Variants in ESRRB observed in about 807,000 individuals in gnomAD.
ESRRB encodes steroid hormone receptor ERR2.
ESRRB carries 16 observed loss-of-function variants against 46.0 expected under a neutral mutation model. The ratio of observed to expected loss-of-function variants is 0.35; its 90% CI spans 0.24 to 0.53. ESRRB has a LOEUF of 0.53. ESRRB is among the 20% of genes least tolerant of loss of function. The pLI, the probability that ESRRB is intolerant of heterozygous loss-of-function variation, is 0.93. For missense variants in ESRRB, 488 were observed against 607.4 expected, an observed-to-expected ratio of 0.80 and a Z score of 2.07; for synonymous variants, 246 against 259.6, an observed-to-expected ratio of 0.95 and a Z score of 0.50.
rs1399455605 is a variant in ESRRB at position 76,376,654 on chromosome 14, C to G, written c.50+203C>G. Among the ~76,000 whole-genome samples, 6 of 152,192 alleles carry G rather than the reference C, an allele frequency of 3.9e-5. No individual in the cohort carries two copies. Among genetic ancestry groups the G allele is most frequent in the African/African-American group, 4.8e-5 (2 of 41,446 alleles). ...AACCCTCCTCTAACTTTTTCCCGCACCCCCTTTTACAAATCCACACTTTCA... is the reference window on the plus strand; with the variant it reads ...AACCCTCCTCTAACTTTTTCCCGCAGCCCCTTTTACAAATCCACACTTTCA... On this transcript the variant is annotated intron_variant, in intron 1 of 6. Coordinates refer to ENST00000644823, the MANE Select transcript of ESRRB (RefSeq NM_001379180.1). The surrounding 1 kb of genome is among the most constrained non-coding windows in gnomAD (Gnocchi z 4.1).
chr14:76,313,583 A>G (rs144480938), intron 1 of ESRRB, among the ~76,000 whole-genome samples: 4 of 152,310 alleles, frequency 2.6e-5, no homozygotes, highest in Non-Finnish European at 4.4e-5. Flanking sequence ...AGGTGCAGGA[A>G]GAGGGAATCA....
At chr14:76,463,703 T>C (rs888550075) in intron 3 of ESRRB, among the ~76,000 whole-genome samples, 1 of 152,036 alleles carries the variant, frequency 6.6e-6, no homozygotes, top group African/African-American at 2.4e-5. Flanking sequence ...CGTCTCAGCC[T>C]CCCAAAGTGC....
In ESRRB at chr14:76,354,214, T is replaced by C. The variant is rs1229410705; in HGVS notation, c.2+43298T>C. Among the ~76,000 whole-genome samples, 12 of 69,822 alleles carry C rather than the reference T, an allele frequency of 1.7e-4. No homozygotes were observed. In the South Asian group the frequency reaches 1.8e-3, roughly 10 times the overall value. 45.8% of individuals were successfully genotyped at this position (69,822 alleles called of 152,430 possible). On this transcript the variant is annotated intron_variant, in intron 1 of 6. Coordinates refer to the ESRRB transcript ENST00000512784. ...GTGAGCCCTTCCTTGGCCCCCAGGGTCCTCTACCCGCCCCCCCCCCCACCC... is the reference window on the plus strand; with the variant it reads ...GTGAGCCCTTCCTTGGCCCCCAGGGCCCTCTACCCGCCCCCCCCCCCACCC...
At chr14:76,464,633 C>T (rs1889029838) in intron 3 of ESRRB, among the ~76,000 whole-genome samples, 1 of 152,044 alleles carries the variant, frequency 6.6e-6, no homozygotes, top group Admixed American at 6.5e-5. Flanking sequence ...GGGGCTCAAC[C>T]GAAAAAACAG....
intron 1 of ESRRB, among the ~76,000 whole-genome samples, chr14:76,345,797 A>G (rs548704725): frequency 3.9e-5 from 6 of 152,212 alleles, no homozygotes; most frequent in Non-Finnish European, 5.9e-5. Context: ...AGACCCAATT[A>G]ATAAAGCCAA....
intron 1 of ESRRB, among the ~76,000 whole-genome samples, chr14:76,405,878 C>T (rs550676736): frequency 9.2e-5 from 14 of 152,028 alleles, no homozygotes; most frequent in African/African-American, 1.9e-4. Context: ...ATGATTGTGC[C>T]GCGTCACTCC....
At chr14:76,435,061 C>T (rs780658495) in intron 1 of ESRRB, among the ~76,000 whole-genome samples, 5 of 152,138 alleles carry the variant, frequency 3.3e-5, no homozygotes, top group Non-Finnish European at 5.9e-5. Flanking sequence ...GCAGAGCGGA[C>T]AGGCTGTGAG....
At chr14:76,480,992 A>G (rs1373332352) in intron 3 of ESRRB, among the ~76,000 whole-genome samples, 2 of 152,208 alleles carry the variant, frequency 1.3e-5, no homozygotes, top group Non-Finnish European at 2.9e-5. Context: ...AGCTCAAGGT[A>G]AGGACTCCAA....
In ESRRB at chr14:76,482,116, T is replaced by TAAAAAG; in HGVS notation, c.679_684dup (p.Lys227_Lys228dup). The TAAAAAG allele has an allele frequency of 1.2e-6, 2 of 1,613,778 alleles. No homozygotes were observed. The highest frequency in any genetic ancestry group is 1.7e-6 in the Non-Finnish European group (2 of 1,179,658). On this transcript the variant is annotated inframe_insertion, in exon 4 of 7. Coordinates refer to ENST00000644823, the MANE Select transcript of ESRRB (RefSeq NM_001379180.1). The surrounding 1 kb of genome is among the most constrained non-coding windows in gnomAD (Gnocchi z 4.3). ...TGAGCTTACAAATTTCTCCACCTGC[T>TAAAAAG]AAAAAGCCATGTGAGTGTCAGGGCA...
intron 3 of ESRRB, among the ~76,000 whole-genome samples, chr14:76,470,807 G>A (rs1336975021): frequency 2.6e-5 from 4 of 152,074 alleles, no homozygotes; most frequent in Non-Finnish European, 4.4e-5. Context: ...CCCCACCTCA[G>A]CCTCCTAAGT....
At chr14:76,484,822 A>C (rs997608208) in intron 5 of ESRRB, among the ~76,000 whole-genome samples, 10 of 152,222 alleles carry the variant, frequency 6.6e-5, no homozygotes, top group African/African-American at 2.4e-4. Flanking sequence ...TACTGGCCTT[A>C]TGCAAGATAC....
intron 1 of ESRRB, among the ~76,000 whole-genome samples, chr14:76,348,307 T>C (rs564296850): frequency 6.6e-5 from 10 of 152,248 alleles, no homozygotes; most frequent in Admixed American, 4.6e-4. Context: ...GTCTGGGGCT[T>C]GAGACTGTTA....
chr14:76,333,446 TAA>T (rs367893881), intron 1 of ESRRB, among the ~76,000 whole-genome samples: 869 of 85,410 alleles, frequency 0.01, 4 homozygotes, highest in East Asian at 0.019. Context: ...ATATGATATA[TAA>T]GTATATCATA....
At chr14:76,469,919 G>GT (rs1566603692) in intron 3 of ESRRB, among the ~76,000 whole-genome samples, 21 of 84,534 alleles carry the variant, frequency 2.5e-4, no homozygotes, top group African/African-American at 9.4e-4. Context: ...ACTAGGCTGT[G>GT]TTTTTTGTTG....
Position 76,462,528 on chromosome 14 carries a change from T to C in ESRRB, c.461-17T>C, listed in dbSNP as rs1035587413. On this transcript the variant is annotated splice_polypyrimidine_tract_variant and intron_variant, in intron 2 of 6. Transcript: ENST00000644823. ...GGGCGGCCAGCACCCGGCAACCCTC[T>C]CTGTGTCTGGTTGCAGGGAACATTG... 10 of 1,604,670 alleles carry C rather than the reference T, an allele frequency of 6.2e-6. No homozygotes were observed. Among genetic ancestry groups the C allele is most frequent in the Non-Finnish European group, 8.5e-6 (10 of 1,171,828 alleles).
chr14:76,388,320 A>C (rs1885328269), intron 1 of ESRRB, among the ~76,000 whole-genome samples: 1 of 151,694 alleles, frequency 6.6e-6, no homozygotes, highest in Non-Finnish European at 1.5e-5. Flanking sequence ...CTGGGACTAT[A>C]GGCGCCTGCC....
intron 1 of ESRRB, among the ~76,000 whole-genome samples, chr14:76,378,666 A>G (rs1229118764): frequency 6.6e-6 from 1 of 152,112 alleles, no homozygotes; most frequent in African/African-American, 2.4e-5. Flanking sequence ...TTATACATAT[A>G]TGTGCCGCCT....
intron 1 of ESRRB, among the ~76,000 whole-genome samples, chr14:76,395,033 T>A (rs997772090): frequency 6.6e-6 from 1 of 152,134 alleles, no homozygotes; most frequent in Non-Finnish European, 1.5e-5. Flanking sequence ...GTGGGCCCAC[T>A]TCTCTCCCCG....
chr14:76,432,605 A>ACC lies in ESRRB; in HGVS notation c.51-6735_51-6734insCC, dbSNP rs1472254427. Among the ~76,000 whole-genome samples the ACC allele has an allele frequency of 2.6e-3, 389 of 149,180 alleles. 2 individuals carry two copies. The highest frequency in any genetic ancestry group is 6.7e-3 in the East Asian group (33 of 4,938). Reference sequence around the variant, plus strand: ...CACTCAATGCCCCCCTCTGCCACCTACAAACTTCTCATCTGTACAGCCAAC... The same window carrying ACC: ...CACTCAATGCCCCCCTCTGCCACCTACCCAAACTTCTCATCTGTACAGCCAAC... On this transcript the variant is annotated intron_variant, in intron 1 of 6. Coordinates refer to ENST00000644823, the MANE Select transcript of ESRRB (RefSeq NM_001379180.1).
Sources: gnomAD v4.1 joint callset for allele counts (sites outside exome capture counted in the v4.1 genomes callset) on GRCh38, gnomAD v4.1.1 for gene constraint, Gnocchi (gnomAD v3.1) non-coding constraint, MANE v1.5 for transcripts, NCBI Gene and HGNC (gene_info 2026-07-23, HGNC 2026-07-21) for gene names.